INVS: variants seen among roughly 807,000 people sequenced by gnomAD.
The protein encoded by INVS is inversin, also known as inversion of embryo turning homolog.
In INVS, 86 loss-of-function variants were observed where a neutral mutation model predicts 108.8. That is an observed-to-expected ratio of 0.79 (90% CI 0.66 to 0.95). INVS has a LOEUF of 0.95. Ranked by LOEUF, INVS falls within the 40% of genes least tolerant of loss-of-function variation. INVS has a pLI of 0.00. For missense variants in INVS, 1,169 were observed against 1,297.4 expected, an observed-to-expected ratio of 0.90 and a Z score of 1.52; for synonymous variants, 455 against 473.5, an observed-to-expected ratio of 0.96 and a Z score of 0.51.
At chr9:100,120,112 A>G (rs1165116020) in intron 2 of INVS, among the ~76,000 whole-genome samples, 1 of 152,208 alleles carries the variant, frequency 6.6e-6, no homozygotes, top group East Asian at 1.9e-4. Context: ...CTTAGGTTCT[A>G]AAACATATGG....
At chr9:100,127,931 C>T (rs753229808) in intron 3 of INVS, among the ~76,000 whole-genome samples, 3 of 152,052 alleles carry the variant, frequency 2.0e-5, no homozygotes, top group Non-Finnish European at 2.9e-5. Context: ...CATAAAAAAG[C>T]AAATAGTTCA....
intron 2 of INVS, among the ~76,000 whole-genome samples, chr9:100,115,653 C>T (rs1827491596): frequency 6.6e-6 from 1 of 152,192 alleles, no homozygotes; most frequent in South Asian, 2.1e-4. Context: ...CATAGTATTC[C>T]ATGGTGTATA....
At chr9:100,172,554 G>A (rs1290496877) in intron 3 of INVS, among the ~76,000 whole-genome samples, 1 of 152,144 alleles carries the variant, frequency 6.6e-6, no homozygotes, top group Non-Finnish European at 1.5e-5. Flanking sequence ...AGCAAGAAAG[G>A]ACAGAAGCTT....
In INVS at chr9:100,292,894, A is replaced by C; in HGVS notation, c.2637A>C (p.Pro879=). 3.1e-6 allele frequency: 5 copies of C among 1,614,194 alleles called. No homozygotes were observed. Among genetic ancestry groups the C allele is most frequent in the Non-Finnish European group, 3.4e-6 (4 of 1,180,010 alleles). The change falls in exon 14 of 17, where the codon CCA becomes CCC. Residue 879 remains proline, a synonymous_variant. Coordinates refer to ENST00000262457, the MANE Select transcript of INVS (RefSeq NM_014425.5). ...TTCAGGTATCTAAGGAGACTGATCC[A>C]GCACCTGGTCCCCTCTCTGGGCAGA... The part of the protein sequence containing the change: ...EDFQVSKETD[P]APGPLSGQSV...
Position 100,292,854 on chromosome 9 carries a change from C to A in INVS, c.2597C>A (p.Thr866Asn). The A allele has an allele frequency of 6.2e-7, 1 of 1,614,178 alleles. No individual in the cohort carries two copies. Among genetic ancestry groups the A allele is most frequent in the South Asian group, 1.1e-5 (1 of 91,086 alleles). The part of the protein sequence containing the change: ...RSGARRLETS[T>N]LSEDFQVSKE... ...GGAGCTAGGAGGCTGGAGACATCTA[C>A]CCTGTCCGAGGACTTTCAGGTATCT... The change falls in exon 14 of 17, where the codon ACC becomes AAC. Residue 866 changes from threonine (T) to asparagine (N), a missense_variant. Coordinates refer to ENST00000262457, the MANE Select transcript of INVS (RefSeq NM_014425.5).
In INVS at chr9:100,126,153, A is replaced by G. The variant is rs968964288; in HGVS notation, c.107-230A>G. Reference sequence around the variant, plus strand: ...TAATATGATTGAGTCATCAGTTTAAATTCTAGCCCCACCTACTTTCAGTGT... The same window carrying G: ...TAATATGATTGAGTCATCAGTTTAAGTTCTAGCCCCACCTACTTTCAGTGT... On this transcript the variant is annotated intron_variant, in intron 2 of 16. Transcript: ENST00000262457. Among the ~76,000 whole-genome samples, 17 of 152,312 alleles carry G rather than the reference A, an allele frequency of 1.1e-4. 1 individual carries two copies. Among genetic ancestry groups the G allele is most frequent in the Admixed American group, 7.8e-4 (12 of 15,302 alleles).
chr9:100,140,725 C>A (rs1029544051), intron 3 of INVS, among the ~76,000 whole-genome samples: 5 of 151,896 alleles, frequency 3.3e-5, no homozygotes, highest in Non-Finnish European at 7.4e-5. Context: ...GAATTAGGGG[C>A]GGTGTGGGAA....
chr9:100,102,369 T>C (rs957410824), intron 1 of INVS, among the ~76,000 whole-genome samples: 2 of 152,294 alleles, frequency 1.3e-5, no homozygotes, highest in African/African-American at 4.8e-5. Context: ...TCCATGAGAC[T>C]ACCGGTCAGA....
chr9:100,248,006 C>T (rs542492392), intron 8 of INVS, among the ~76,000 whole-genome samples: 14 of 151,866 alleles, frequency 9.2e-5, no homozygotes, highest in South Asian at 2.1e-4. Flanking sequence ...TTAGTAGAGG[C>T]GGGGTTTCAC....
chr9:100,166,096 C>A (rs73507835), intron 3 of INVS, among the ~76,000 whole-genome samples: 1 of 152,070 alleles, frequency 6.6e-6, no homozygotes, highest in African/African-American at 2.4e-5. Flanking sequence ...TTTGCTCACC[C>A]AGTCAAGAAT....
chr9:100,256,516 A>G lies in INVS; in HGVS notation c.1464+3380A>G, dbSNP rs575566602. 2.6e-5 allele frequency among the ~76,000 whole-genome samples: 4 copies of G among 152,228 alleles called. No individual in the cohort carries two copies. In the South Asian group the frequency reaches 8.3e-4, roughly 32 times the overall value. On this transcript the variant is annotated intron_variant, in intron 10 of 16. Coordinates refer to ENST00000262457, the MANE Select transcript of INVS (RefSeq NM_014425.5). ...CTTTTAATTGTGATGCTAGGGTGTCAATTTTAGATCTTTCCTGCTTTCTCT... is the reference window on the plus strand; with the variant it reads ...CTTTTAATTGTGATGCTAGGGTGTCGATTTTAGATCTTTCCTGCTTTCTCT...
chr9:100,175,061 T>C, intron 3 of INVS: 1 of 209,798 alleles, frequency 4.8e-6, no homozygotes, highest in Non-Finnish European at 9.6e-6. Context: ...AACTTCTTCA[T>C]ACTTTCACTT....
At position 100,229,645 on chromosome 9, in the gene INVS, C is replaced by G. The variant is rs1307585658; in HGVS notation, c.448-15C>G. Reference sequence around the variant, plus strand: ...TTGTTACTGTTGTTATTTCGAGAACCTCTCGATTTTGCAGCAAACAGCTCT... The same window carrying G: ...TTGTTACTGTTGTTATTTCGAGAACGTCTCGATTTTGCAGCAAACAGCTCT... On this transcript the variant is annotated splice_polypyrimidine_tract_variant and intron_variant, in intron 4 of 16. Coordinates refer to ENST00000262457, the MANE Select transcript of INVS (RefSeq NM_014425.5). 6.2e-7 allele frequency: 1 copy of G among 1,612,780 alleles called. No homozygotes were observed. Among genetic ancestry groups the G allele is most frequent in the South Asian group, 1.1e-5 (1 of 91,026 alleles).
In INVS at chr9:100,281,864, G is replaced by A. The variant is rs570688716; in HGVS notation, c.1785-2456G>A. ...GCTGCCTTTGTTGAAGGCCCAGAAA[G>A]GTTTGCAGTGATAAGGTTTGCCCCG... On this transcript the variant is annotated intron_variant, in intron 12 of 16. Transcript: ENST00000262457. Among the ~76,000 whole-genome samples the A allele has an allele frequency of 2.0e-5, 3 of 152,218 alleles. No individual in the cohort carries two copies. The South Asian group carries it at 6.2e-4, about 32-fold the overall frequency.
chr9:100,293,112 T>A (rs1833679436), intron 14 of INVS, 69 bp downstream of exon 14: 4 of 1,449,716 alleles, frequency 2.8e-6, no homozygotes, highest in Non-Finnish European at 3.9e-6. Context: ...ACATCTGTGC[T>A]CTTTGATGTT....
intron 2 of INVS, among the ~76,000 whole-genome samples, chr9:100,110,048 C>T (rs1181770590): frequency 3.9e-5 from 6 of 152,196 alleles, no homozygotes; most frequent in Non-Finnish European, 5.9e-5. Flanking sequence ...GGTACTATTT[C>T]AGGTTACTTC....
At chr9:100,264,045 C>G (rs1429206779) in intron 10 of INVS, among the ~76,000 whole-genome samples, 1 of 152,156 alleles carries the variant, frequency 6.6e-6, no homozygotes, top group Non-Finnish European at 1.5e-5. Flanking sequence ...ATTAGATGCA[C>G]ACAAGTTTAG....
At chr9:100,121,225 T>C (rs1184890227) in intron 2 of INVS, among the ~76,000 whole-genome samples, 1 of 152,190 alleles carries the variant, frequency 6.6e-6, no homozygotes, top group African/African-American at 2.4e-5. Flanking sequence ...CTAATCTCTC[T>C]TGATTAACTT....
chr9:100,296,545 C>A (rs1311228538), intron 14 of INVS, among the ~76,000 whole-genome samples: 1 of 152,170 alleles, frequency 6.6e-6, no homozygotes, highest in Non-Finnish European at 1.5e-5. Context: ...CTTTTAAAAT[C>A]CAGCACAAAT....
Sources: gnomAD v4.1 joint callset for allele counts (sites outside exome capture counted in the v4.1 genomes callset) on GRCh38, gnomAD v4.1.1 for gene constraint, MANE v1.5 for transcripts, NCBI Gene and HGNC (gene_info 2026-07-23, HGNC 2026-07-21) for gene names.